DLGAP2: variants seen among roughly 807,000 people sequenced by gnomAD.
DLGAP2 encodes the protein DLG associated protein 2, also known as disks large-associated protein 2.
DLGAP2 carries 26 observed loss-of-function variants against 100.3 expected under a neutral mutation model. The ratio of observed to expected loss-of-function variants is 0.26; its 90% confidence interval spans 0.19 to 0.36. The LOEUF is 0.36. DLGAP2 is among the 10% of genes least tolerant of loss of function. The pLI is 1.00. For synonymous variants in DLGAP2, 886 were observed against 630.1 expected, an observed-to-expected ratio of 1.41 and a Z score of -6.08; for missense variants, 1,858 against 1,453.2, an observed-to-expected ratio of 1.28 and a Z score of -4.53.
At chr8:1,480,097 C>A (rs757893) in intron 3 of DLGAP2, among the ~76,000 whole-genome samples, 3,502 of 152,290 alleles carry the variant, frequency 0.023, 65 homozygotes, top group Non-Finnish European at 0.039. Context: ...CCAGGGACGC[C>A]CCGCGCAGTG....
intron 3 of DLGAP2, among the ~76,000 whole-genome samples, chr8:1,478,265 G>A (rs763463544): frequency 6.6e-6 from 1 of 152,164 alleles, no homozygotes; most frequent in Non-Finnish European, 1.5e-5. Flanking sequence ...TGGGGTATGG[G>A]TGCCAGCCCT....
intron 1 of DLGAP2, among the ~76,000 whole-genome samples, chr8:784,938 T>C (rs540859304): frequency 6.6e-6 from 1 of 151,874 alleles, no homozygotes; most frequent in African/African-American, 2.4e-5. Context: ...CTGGGCACGG[T>C]GGCTCACGCC....
chr8:1,258,174 A>G (rs893373607), intron 2 of DLGAP2, among the ~76,000 whole-genome samples: 8 of 152,240 alleles, frequency 5.3e-5, no homozygotes, highest in Non-Finnish European at 1.0e-4. Flanking sequence ...AGATTTGCTC[A>G]TAACTTTTGT....
chr8:1,508,521 C>T (rs181627084), intron 4 of DLGAP2, among the ~76,000 whole-genome samples: 18 of 46,942 alleles, frequency 3.8e-4, no homozygotes, highest in Non-Finnish European at 5.5e-4. Context: ...TGCAAACCCC[C>T]GCCACCACGC....
intron 3 of DLGAP2, among the ~76,000 whole-genome samples, chr8:1,430,838 C>G (rs780179353): frequency 1.3e-5 from 2 of 152,184 alleles, no homozygotes; most frequent in Non-Finnish European, 2.9e-5. Flanking sequence ...CACATTAAAT[C>G]AGGAATGGCA....
intron 2 of DLGAP2, among the ~76,000 whole-genome samples, chr8:1,075,882 C>T (rs917853507): frequency 4.0e-5 from 6 of 149,616 alleles, no homozygotes; most frequent in Non-Finnish European, 5.9e-5. Flanking sequence ...GCCTGGGCAA[C>T]GGAGGGAGAC....
At chr8:1,690,055 A>C (rs1170052665) in intron 12 of DLGAP2, among the ~76,000 whole-genome samples, 2 of 152,192 alleles carry the variant, frequency 1.3e-5, no homozygotes, top group Non-Finnish European at 2.9e-5. Context: ...TGCTGACAGC[A>C]GACTCAAGAG....
intron 2 of DLGAP2, among the ~76,000 whole-genome samples, chr8:1,047,657 A>G (rs1802552916): frequency 6.6e-6 from 1 of 151,952 alleles, no homozygotes; most frequent in African/African-American, 2.4e-5. Context: ...TGGTCCCTAG[A>G]TGGCCTCCCA....
chr8:1,465,285 GT>G (rs1465008275), intron 3 of DLGAP2, among the ~76,000 whole-genome samples: 1 of 152,254 alleles, frequency 6.6e-6, no homozygotes, highest in Non-Finnish European at 1.5e-5. Flanking sequence ...AAGCACCCAT[GT>G]TTGGTGGTTT....
intron 6 of DLGAP2, among the ~76,000 whole-genome samples, chr8:1,568,090 G>T (rs188857590): frequency 8.6e-6 from 1 of 116,512 alleles, no homozygotes; most frequent in Non-Finnish European, 1.7e-5. Flanking sequence ...ACACAAATCC[G>T]TCTCTGCCTG....
chr8:1,283,200 C>T (rs936852928), intron 3 of DLGAP2, among the ~76,000 whole-genome samples: 10 of 147,628 alleles, frequency 6.8e-5, no homozygotes, highest in Non-Finnish European at 1.0e-4. Flanking sequence ...ACCATCCAGA[C>T]GTGGTGTGAC....
rs577637134 is a variant in DLGAP2, at chr8:1,648,254, G to A, written c.1810+15208G>A. 1.2e-4 allele frequency among the ~76,000 whole-genome samples: 19 copies of A among 152,288 alleles called. No homozygotes were observed. In the East Asian group the frequency reaches 3.7e-3, roughly 29 times the overall value. On this transcript the variant is annotated intron_variant, in intron 8 of 14. Coordinates refer to ENST00000637795, the MANE Select transcript of DLGAP2 (RefSeq NM_001346810.2). ...CCACTGTGCTCGGCTGTTAGCCTTGGCATCGACTTGAGCCTTTTTCTGTAG... is the reference window on the plus strand; with the variant it reads ...CCACTGTGCTCGGCTGTTAGCCTTGACATCGACTTGAGCCTTTTTCTGTAG...
intron 1 of DLGAP2, among the ~76,000 whole-genome samples, chr8:752,936 C>T (rs756707211): frequency 2.6e-5 from 4 of 152,188 alleles, no homozygotes; most frequent in Non-Finnish European, 4.4e-5. Context: ...CACCCTCACT[C>T]GGTTCCCAAT....
At chr8:904,326 C>A (rs986448672) in intron 1 of DLGAP2, among the ~76,000 whole-genome samples, 1 of 152,154 alleles carries the variant, frequency 6.6e-6, no homozygotes, top group South Asian at 2.1e-4. Context: ...TTGAGACCAG[C>A]TTGGCCAATG....
At chr8:1,271,310 G>C (rs9650487) in intron 3 of DLGAP2, among the ~76,000 whole-genome samples, 5 of 151,866 alleles carry the variant, frequency 3.3e-5, no homozygotes, top group African/African-American at 1.2e-4. Flanking sequence ...CCTCAGCCGG[G>C]GGGGTGCGCC....
intron 2 of DLGAP2, among the ~76,000 whole-genome samples, chr8:1,067,093 G>C (rs1184687915): frequency 1.3e-5 from 2 of 152,148 alleles, no homozygotes; most frequent in Non-Finnish European, 2.9e-5. Context: ...AGGTGGGTGG[G>C]TGGCTCTGAC....
chr8:1,564,911 A>G (rs1802335624), intron 5 of DLGAP2, among the ~76,000 whole-genome samples: 1 of 152,160 alleles, frequency 6.6e-6, no homozygotes, highest in South Asian at 2.1e-4. Flanking sequence ...AGGCAGACAT[A>G]TAACATGCGT....
intron 2 of DLGAP2, among the ~76,000 whole-genome samples, chr8:1,258,539 A>G (rs927654742): frequency 2.6e-5 from 4 of 152,178 alleles, no homozygotes; most frequent in African/African-American, 9.6e-5. Flanking sequence ...CCACCATGGC[A>G]CCTGTATACC....
At chr8:1,446,209 G>A (rs1300503615) in intron 3 of DLGAP2, among the ~76,000 whole-genome samples, 2 of 152,034 alleles carry the variant, frequency 1.3e-5, no homozygotes, top group African/African-American at 2.4e-5. Context: ...TTCTTCTAGG[G>A]TTTTTATGGT....
Sources: gnomAD v4.1 joint callset for allele counts (sites outside exome capture counted in the v4.1 genomes callset) on GRCh38, gnomAD v4.1.1 for gene constraint, MANE v1.5 for transcripts, NCBI Gene and HGNC (gene_info 2026-07-23, HGNC 2026-07-21) for gene names.